NOL4L: variants seen among roughly 807,000 people sequenced by gnomAD.
NOL4L encodes the protein nucleolar protein 4 like.
Under a neutral mutation model 64.5 loss-of-function variants are expected in NOL4L, and 7 were observed. The observed-to-expected ratio is 0.11, with a 90% CI of 0.06 to 0.20. The LOEUF (loss-of-function observed/expected upper bound fraction) is 0.20, where lower values mean the gene tolerates loss of function less well. NOL4L is among the 10% of genes least tolerant of loss of function. NOL4L has a pLI of 1.00. For missense variants in NOL4L, 680 were observed against 967.1 expected (o/e 0.70, Z 3.94); for synonymous variants, 413 against 401.0 (o/e 1.03, Z -0.36).
chr20:32,531,960 C>A (rs2018362348), intron 1 of NOL4L, among the ~76,000 whole-genome samples: 1 of 152,156 alleles, frequency 6.6e-6, no homozygotes, highest in Non-Finnish European at 1.5e-5. Flanking sequence ...AAGGCTCCCA[C>A]AAACTTGGAA....
chr20:32,456,081 AC>A, intron 6 of NOL4L, 36 bp downstream of exon 6: 1 of 1,460,782 alleles, frequency 6.8e-7, no homozygotes. Context: ...ACAGCCCTTT[AC>A]AGAAAGAAAT....
intron 1 of NOL4L, among the ~76,000 whole-genome samples, chr20:32,547,032 C>T (rs1454518169): frequency 6.6e-6 from 1 of 152,230 alleles, no homozygotes; most frequent in Non-Finnish European, 1.5e-5. Flanking sequence ...ATCTGAGAAA[C>T]AGGCAGGACA....
At chr20:32,514,358 G>A (rs1313940800) in intron 3 of NOL4L, among the ~76,000 whole-genome samples, 1 of 152,118 alleles carries the variant, frequency 6.6e-6, no homozygotes. Context: ...TGGGCATGGT[G>A]GCGCATGCCT....
At chr20:32,583,643 G>A (rs1182837615) in intron 1 of NOL4L, among the ~76,000 whole-genome samples, 1 of 149,016 alleles carries the variant, frequency 6.7e-6, no homozygotes, top group Non-Finnish European at 1.5e-5. Flanking sequence ...CCCGGGAGCG[G>A]CCGCCCCCCC....
chr20:32,582,596 C>T (rs1395229129), intron 1 of NOL4L, among the ~76,000 whole-genome samples: 1 of 152,084 alleles, frequency 6.6e-6, no homozygotes, highest in South Asian at 2.1e-4. Flanking sequence ...GGGGTCACCC[C>T]CCAACTCCAG....
chr20:32,531,036 C>G (rs1161200488), intron 1 of NOL4L, among the ~76,000 whole-genome samples: 1 of 152,216 alleles, frequency 6.6e-6, no homozygotes, highest in Non-Finnish European at 1.5e-5. Flanking sequence ...GGTAGTTCCA[C>G]TGAATTTTTA....
chr20:32,488,825 C>T (rs57073735), intron 4 of NOL4L, among the ~76,000 whole-genome samples: 6 of 37,864 alleles, frequency 1.6e-4, no homozygotes, highest in Non-Finnish European at 3.3e-4. Context: ...TTCTTTCTTT[C>T]TTTTTCTTTC....
intron 1 of NOL4L, chr20:32,536,159 C>T (rs2018514660): frequency 1.0e-6 from 1 of 985,532 alleles, no homozygotes; most frequent in African/African-American, 1.7e-5. Flanking sequence ...AGAAGACACC[C>T]ATTAAAGAGC....
chr20:32,584,399 C>G (rs1980753977), intron 1 of NOL4L, among the ~76,000 whole-genome samples, 171 bp downstream of exon 1: 1 of 151,370 alleles, frequency 6.6e-6, no homozygotes, highest in African/African-American at 2.4e-5. Flanking sequence ...GCTGCCCAGG[C>G]GAGCCGGGAA....
At chr20:32,511,822 C>G (rs1399088119) in intron 3 of NOL4L, among the ~76,000 whole-genome samples, 3 of 152,032 alleles carry the variant, frequency 2.0e-5, no homozygotes, top group Non-Finnish European at 4.4e-5. Context: ...CTGGGCAACA[C>G]AGGGAGATCT....
intron 1 of NOL4L, among the ~76,000 whole-genome samples, chr20:32,568,365 G>A (rs1018892909): frequency 4.6e-5 from 7 of 152,162 alleles, no homozygotes; most frequent in African/African-American, 1.7e-4. Context: ...AGCAGCTGAT[G>A]AGGAGGAGAC....
At chr20:32,479,188 C>T (rs958069551) in intron 4 of NOL4L, among the ~76,000 whole-genome samples, 1 of 152,228 alleles carries the variant, frequency 6.6e-6, no homozygotes, top group Non-Finnish European at 1.5e-5. Context: ...CAAGTACACA[C>T]AGATCAGAAC....
At chr20:32,454,804 C>T (rs1458679775) in intron 6 of NOL4L, among the ~76,000 whole-genome samples, 2 of 152,240 alleles carry the variant, frequency 1.3e-5, no homozygotes, top group African/African-American at 4.8e-5. Flanking sequence ...TATGGTCAGA[C>T]CCTGTGATGT....
intron 4 of NOL4L, among the ~76,000 whole-genome samples, chr20:32,488,885 TTC>T (rs1391123672): frequency 1.5e-5 from 2 of 137,326 alleles, no homozygotes; most frequent in Non-Finnish European, 3.1e-5. Flanking sequence ...CTTTCTTTCT[TTC>T]TTTCTTTCCT....
rs767315913 is a variant in NOL4L at position 32,453,727 on chromosome 20, A to T, written c.1154T>A (p.Ile385Asn). The T allele has an allele frequency of 6.4e-7, 1 of 1,555,572 alleles. No homozygotes were observed. The highest frequency in any genetic ancestry group is 1.2e-5 in the South Asian group (1 of 84,510). Residue 385 changes from isoleucine to asparagine, a missense_variant, in exon 7 of 11, where the codon ATC (isoleucine) becomes AAC (asparagine). Physicochemically the swap from Ile to Asn is moderately radical, Grantham distance 149 (BLOSUM62 -3). This residue lies in a region of NOL4L where 254 missense variants were observed against 238.7 expected (regional missense o/e 1.06). Coordinates refer to ENST00000621426, the MANE Select transcript of NOL4L (RefSeq NM_001256798.2). This position sits in a 1 kb window ranked among gnomAD's most constrained non-coding sequence, Gnocchi z 5.6. ...PPYSSGSYDS[I>N]KTEVSGCPED... ...AGGGCAGCCGCTGACCTCGGTCTTG[A>T]TGGAATCGTAGCTCCCAGAGCTGTA...
At chr20:32,568,043 TTATCGTCAC>T (rs1031767733) in intron 1 of NOL4L, among the ~76,000 whole-genome samples, 1 of 151,578 alleles carries the variant, frequency 6.6e-6, no homozygotes, top group Non-Finnish European at 1.5e-5. Context: ...CACATCAACA[TTATCGTCAC>T]CATCATCACC....
intron 4 of NOL4L, among the ~76,000 whole-genome samples, chr20:32,495,727 G>C (rs1156717671): frequency 6.6e-6 from 1 of 152,142 alleles, no homozygotes; most frequent in African/African-American, 2.4e-5. Context: ...GGAGGCTGAG[G>C]TGGGGGAATG....
intron 3 of NOL4L, among the ~76,000 whole-genome samples, chr20:32,520,461 G>A (rs562242613): frequency 6.6e-6 from 1 of 152,294 alleles, no homozygotes; most frequent in Non-Finnish European, 1.5e-5. Flanking sequence ...CGTGCATGGA[G>A]AAGCAGTGGG....
At chr20:32,577,724 C>T (rs1050881117) in intron 1 of NOL4L, among the ~76,000 whole-genome samples, 2 of 152,210 alleles carry the variant, frequency 1.3e-5, no homozygotes, top group Admixed American at 6.5e-5. Context: ...TTCAATGCAA[C>T]ATTTCTCAGG....
Sources: allele counts gnomAD v4.1 joint callset (sites outside exome capture counted in the v4.1 genomes callset), GRCh38; gene constraint gnomAD v4.1.1; regional missense constraint gnomAD v4.1.1; non-coding constraint Gnocchi (gnomAD v3.1); transcripts MANE v1.5; gene names NCBI Gene and HGNC (gene_info 2026-07-23, HGNC 2026-07-21).